APBA2: variants seen among roughly 807,000 people sequenced by gnomAD.
The protein encoded by APBA2 is amyloid-beta A4 precursor protein-binding family A member 2.
Under a neutral mutation model 75.0 loss-of-function variants are expected in APBA2, and 30 were observed. The observed-to-expected ratio is 0.40, with a 90% confidence interval of 0.30 to 0.54. APBA2 has a LOEUF of 0.54. Among genes scored for constraint, APBA2 ranks in the 20% least tolerant of loss-of-function variants. APBA2 has a pLI of 0.49. For synonymous variants in APBA2, 444 were observed against 409.6 expected (o/e 1.08, Z -1.01); for missense variants, 801 against 1,016.1 (o/e 0.79, Z 2.88).
chr15:29,059,330 C>T (rs2042034555), intron 4 of APBA2, among the ~76,000 whole-genome samples: 1 of 152,120 alleles, frequency 6.6e-6, no homozygotes, highest in Non-Finnish European at 1.5e-5. Flanking sequence ...AGAGAAGCTT[C>T]CTTCAGGGCT....
intron 1 of APBA2, among the ~76,000 whole-genome samples, chr15:28,908,435 C>T: frequency 6.6e-6 from 1 of 151,978 alleles, no homozygotes. Context: ...CTCAGCCTCC[C>T]AAGTACCTGG....
Position 29,019,140 on chromosome 15 carries a change from G to A in APBA2, c.-41+23334G>A, listed in dbSNP as rs145853138. Among the ~76,000 whole-genome samples the A allele has an allele frequency of 2.4e-3, 358 of 152,240 alleles. 1 individual carries two copies. The highest frequency in any genetic ancestry group is 8.4e-3 in the African/African-American group (350 of 41,540). ...CAGAGGACAGGTCATGCTGCAGGCC[G>A]GCCCCTCACCCCTGGTGACTTGTGC... On this transcript the variant is annotated intron_variant, in intron 3 of 14. Transcript: ENST00000683413.
chr15:28,948,623 C>T (rs7174888), intron 2 of APBA2, among the ~76,000 whole-genome samples: 51,804 of 151,888 alleles, frequency 0.34, 15,621 homozygotes, highest in African/African-American at 0.8. Flanking sequence ...AATTTCTTTT[C>T]GCTTTCTTCT....
chr15:29,077,607 A>T (rs1595904208), intron 6 of APBA2, among the ~76,000 whole-genome samples: 1 of 152,146 alleles, frequency 6.6e-6, no homozygotes, highest in African/African-American at 2.4e-5. Flanking sequence ...TCCCTGCACC[A>T]CTCAGACTGT....
chr15:28,897,574 C>T (rs2032575826), intron 1 of APBA2, among the ~76,000 whole-genome samples: 1 of 143,224 alleles, frequency 7.0e-6, no homozygotes, highest in Non-Finnish European at 1.5e-5. Flanking sequence ...GCCGAGATTG[C>T]ACCACTGCAC....
At chr15:28,930,527 G>T (rs560452893) in intron 2 of APBA2, among the ~76,000 whole-genome samples, 178 of 152,264 alleles carry the variant, frequency 1.2e-3, no homozygotes, top group African/African-American at 4.1e-3. Flanking sequence ...TCTCCCACCC[G>T]GCTGGAGCCT....
chr15:28,971,066 A>G (rs2037042475), intron 2 of APBA2, among the ~76,000 whole-genome samples: 1 of 152,164 alleles, frequency 6.6e-6, no homozygotes, highest in Middle Eastern at 3.2e-3. Flanking sequence ...CACTCTCACC[A>G]TGTAAATTGC....
Position 28,918,869 on chromosome 15 carries a change from T to C in APBA2, c.-204-2771T>C, listed in dbSNP as rs2033818497. Reference sequence around the variant, plus strand: ...GTTAATTGTGGGGATTATTATTTTTTTTTTTTTGTAGACGGAGTCGCGCTC... The same window carrying C: ...GTTAATTGTGGGGATTATTATTTTTCTTTTTTTGTAGACGGAGTCGCGCTC... On this transcript the variant is annotated intron_variant, in intron 1 of 14. Transcript: ENST00000683413. The surrounding 1 kb of genome is among the most constrained non-coding windows in gnomAD (Gnocchi z 4.2). Among the ~76,000 whole-genome samples, 1 of 151,988 alleles carries C rather than the reference T, an allele frequency of 6.6e-6. No homozygotes were observed. The highest frequency in any genetic ancestry group is 6.5e-5 in the Admixed American group (1 of 15,276).
intron 6 of APBA2, among the ~76,000 whole-genome samples, chr15:29,084,772 TG>T (rs2043216914): frequency 6.6e-6 from 1 of 152,242 alleles, no homozygotes; most frequent in African/African-American, 2.4e-5. Context: ...TACAAATTTT[TG>T]TTGGTGTTAT....
chr15:29,019,979 A>G (rs954305333), intron 3 of APBA2, among the ~76,000 whole-genome samples: 10 of 152,260 alleles, frequency 6.6e-5, no homozygotes, highest in Non-Finnish European at 1.3e-4. Context: ...CAGATGTGAT[A>G]GGGAGAAAAT....
chr15:28,932,806 G>C (rs919865149), intron 2 of APBA2, among the ~76,000 whole-genome samples: 7 of 152,192 alleles, frequency 4.6e-5, no homozygotes, highest in Admixed American at 3.9e-4. Flanking sequence ...CAAAGTGATG[G>C]GACCTTTGGG....
intron 1 of APBA2, among the ~76,000 whole-genome samples, chr15:28,911,257 C>T (rs141189180): frequency 0.017 from 2,573 of 152,228 alleles, 80 homozygotes; most frequent in African/African-American, 0.059. Context: ...TTCTGCTGGC[C>T]ACCTTTCACT....
intron 3 of APBA2, among the ~76,000 whole-genome samples, chr15:29,048,077 G>A (rs919789980): frequency 2.6e-5 from 4 of 152,132 alleles, no homozygotes; most frequent in South Asian, 2.1e-4. Flanking sequence ...GCCGGGGCAC[G>A]GTGGCTCACT....
intron 4 of APBA2, among the ~76,000 whole-genome samples, chr15:29,058,213 C>T (rs754053412): frequency 1.3e-5 from 2 of 152,042 alleles, no homozygotes; most frequent in African/African-American, 2.4e-5. Flanking sequence ...CTGGTCGATA[C>T]GAAAAATGAG....
intron 6 of APBA2, among the ~76,000 whole-genome samples, 175 bp from the exon 7 acceptor site, chr15:29,092,900 G>T (rs1350360325): frequency 6.6e-6 from 1 of 152,190 alleles, no homozygotes; most frequent in African/African-American, 2.4e-5. Flanking sequence ...GCAGCACGGG[G>T]TAGTGAGGGA....
intron 1 of APBA2, among the ~76,000 whole-genome samples, chr15:28,920,928 C>G (rs73366703): frequency 3.5e-4 from 53 of 152,268 alleles, no homozygotes; most frequent in African/African-American, 1.3e-3. Context: ...CAGTTCTGTG[C>G]GAAGTCCAGG....
At chr15:29,025,893 G>C (rs1003443649) in intron 3 of APBA2, among the ~76,000 whole-genome samples, 22 of 151,282 alleles carry the variant, frequency 1.5e-4, no homozygotes, top group African/African-American at 5.1e-4. Flanking sequence ...AGAGGTTGCA[G>C]TGAGCCAAGA....
chr15:29,091,366 G>A (rs2043564317), intron 6 of APBA2, among the ~76,000 whole-genome samples: 1 of 152,152 alleles, frequency 6.6e-6, no homozygotes, highest in South Asian at 2.1e-4. Context: ...AGGAAAGCAG[G>A]AAGGAGGGCC....
chr15:29,006,963 A>C (rs1024716361), intron 3 of APBA2, among the ~76,000 whole-genome samples: 1 of 152,204 alleles, frequency 6.6e-6, no homozygotes, highest in Non-Finnish European at 1.5e-5. Flanking sequence ...AGCAATCTTA[A>C]AAAGAAGGAC....
Sources: allele counts gnomAD v4.1 joint callset (sites outside exome capture counted in the v4.1 genomes callset), GRCh38; gene constraint gnomAD v4.1.1; non-coding constraint Gnocchi (gnomAD v3.1); transcripts MANE v1.5; gene names NCBI Gene and HGNC (gene_info 2026-07-23, HGNC 2026-07-21).